PTPRN2: variants seen among roughly 807,000 people sequenced by gnomAD.
PTPRN2 encodes the protein receptor-type tyrosine-protein phosphatase N2.
PTPRN2 carries 74 observed loss-of-function variants against 118.8 expected under a neutral mutation model. The ratio of observed to expected loss-of-function variants is 0.62; its 90% CI spans 0.52 to 0.76. The LOEUF (loss-of-function observed/expected upper bound fraction) is 0.76, where lower values mean the gene tolerates loss of function less well. Ranked by LOEUF, PTPRN2 falls within the 30% of genes least tolerant of loss-of-function variation. The pLI is 0.00. For synonymous variants in PTPRN2, 641 were observed against 608.0 expected (o/e 1.05, Z -0.80); for missense variants, 1,481 against 1,394.4 (o/e 1.06, Z -0.99).
chr7:158,133,100 C>T (rs770859899), intron 9 of PTPRN2, among the ~76,000 whole-genome samples: 36 of 152,200 alleles, frequency 2.4e-4, no homozygotes, highest in Non-Finnish European at 4.6e-4. Flanking sequence ...GACATGAGGG[C>T]GGGGAAAGAG....
chr7:157,669,204 C>G (rs574112230), intron 13 of PTPRN2, among the ~76,000 whole-genome samples: 1 of 152,320 alleles, frequency 6.6e-6, no homozygotes, highest in East Asian at 1.9e-4. Context: ...TGGCCCACGG[C>G]CGCCCCTGAA....
chr7:158,217,388 T>G (rs1828028899), intron 3 of PTPRN2, among the ~76,000 whole-genome samples: 1 of 151,970 alleles, frequency 6.6e-6, no homozygotes, highest in East Asian at 1.9e-4. Flanking sequence ...ACAAAGCCAA[T>G]CAACTATATC....
chr7:157,636,329 A>C (rs1457637188), intron 14 of PTPRN2, among the ~76,000 whole-genome samples: 1 of 152,212 alleles, frequency 6.6e-6, no homozygotes, highest in Non-Finnish European at 1.5e-5. Flanking sequence ...TGAAAGGAAC[A>C]TTATTCATCA....
chr7:157,543,912 G>A (rs2116954258), intron 22 of PTPRN2, among the ~76,000 whole-genome samples: 1 of 152,350 alleles, frequency 6.6e-6, no homozygotes, highest in African/African-American at 2.4e-5. Flanking sequence ...TAGGCATTGT[G>A]TGTGTGTACA....
chr7:158,243,571 C>T lies in PTPRN2; in HGVS notation c.278-38298G>A, dbSNP rs540007467. 1.1e-4 allele frequency among the ~76,000 whole-genome samples: 16 copies of T among 152,326 alleles called. No homozygotes were observed. In the East Asian group the frequency reaches 3.1e-3, roughly 29 times the overall value. ...AGCCAAACTCCACCACAGATACCAC[C>T]TTCAGAGTTGGCCAGGAGCTGCAGG... On this transcript the variant is annotated intron_variant, in intron 3 of 22. Coordinates refer to ENST00000389418, the MANE Select transcript of PTPRN2 (RefSeq NM_002847.5).
intron 12 of PTPRN2, among the ~76,000 whole-genome samples, chr7:157,829,812 G>C (rs1807433240): frequency 6.6e-6 from 1 of 152,214 alleles, no homozygotes; most frequent in Non-Finnish European, 1.5e-5. Flanking sequence ...TACAGATGTT[G>C]ACTTGGCGGC....
intron 12 of PTPRN2, among the ~76,000 whole-genome samples, chr7:157,702,484 G>A (rs1798128054): frequency 6.6e-6 from 1 of 152,202 alleles, no homozygotes; most frequent in Non-Finnish European, 1.5e-5. Flanking sequence ...ACCTCTCACA[G>A]CCCAGTGGGG....
At position 158,573,266 on chromosome 7, in the gene PTPRN2, A is replaced by G. The variant is rs192087876; in HGVS notation, c.112+14292T>C. Reference sequence around the variant, plus strand: ...TTCAGAGAAATGGAGGGGGGATGGGAAAGGGAATCTGCTTCCTAGAAATGC... The same window carrying G: ...TTCAGAGAAATGGAGGGGGGATGGGGAAGGGAATCTGCTTCCTAGAAATGC... On this transcript the variant is annotated intron_variant, in intron 1 of 22. Transcript: ENST00000389418. Among the ~76,000 whole-genome samples the G allele has an allele frequency of 2.0e-5, 3 of 152,344 alleles. No individual in the cohort carries two copies. In the East Asian group the frequency reaches 5.8e-4, roughly 29 times the overall value.
chr7:158,499,009 C>T (rs2129446214), intron 1 of PTPRN2, among the ~76,000 whole-genome samples: 1 of 152,260 alleles, frequency 6.6e-6, no homozygotes, highest in East Asian at 1.9e-4. Context: ...GGTAAACAAG[C>T]TTTTTAGCAG....
At chr7:157,836,175 C>A (rs1807918696) in intron 12 of PTPRN2, among the ~76,000 whole-genome samples, 2 of 152,104 alleles carry the variant, frequency 1.3e-5, no homozygotes, top group Non-Finnish European at 2.9e-5. Flanking sequence ...TAAATTAAAC[C>A]AATGATAAGA....
chr7:157,979,853 G>A (rs1362660812), intron 11 of PTPRN2, among the ~76,000 whole-genome samples: 1 of 152,162 alleles, frequency 6.6e-6, no homozygotes, highest in Admixed American at 6.5e-5. Context: ...CGCAGCCCAG[G>A]CCAGCAAGCC....
intron 12 of PTPRN2, among the ~76,000 whole-genome samples, chr7:157,848,056 C>T (rs1026910410): frequency 6.0e-5 from 9 of 150,962 alleles, no homozygotes; most frequent in African/African-American, 2.2e-4. Context: ...CTGATGTTTA[C>T]AGAGCCCTCT....
intron 3 of PTPRN2, among the ~76,000 whole-genome samples, chr7:158,256,583 G>A (rs1797036167): frequency 6.6e-6 from 1 of 152,074 alleles, no homozygotes; most frequent in Non-Finnish European, 1.5e-5. Context: ...GGCGGGGGCG[G>A]GGGGGAACCT....
At chr7:158,011,207 G>A (rs1369650856) in intron 11 of PTPRN2, among the ~76,000 whole-genome samples, 2 of 152,250 alleles carry the variant, frequency 1.3e-5, no homozygotes, top group African/African-American at 4.8e-5. Context: ...AGATGTGCCT[G>A]TTTGATGCTG....
In PTPRN2 at chr7:158,531,188, C is replaced by T. The variant is rs571359487; in HGVS notation, c.113-41403G>A. Among the ~76,000 whole-genome samples, 71 of 152,296 alleles carry T rather than the reference C, an allele frequency of 4.7e-4. 1 individual carries two copies. The highest frequency in any genetic ancestry group is 1.7e-3 in the African/African-American group (69 of 41,562). ...GGCCAACAGCTGCCCCAAACCATGC[C>T]TGACACAGCAAATTTACAGACACAT... On this transcript the variant is annotated intron_variant, in intron 1 of 22. Transcript: ENST00000389418.
At chr7:157,582,877 A>AC (rs1008455988) in intron 17 of PTPRN2, among the ~76,000 whole-genome samples, 8 of 138,646 alleles carry the variant, frequency 5.8e-5, no homozygotes, top group South Asian at 2.3e-4. Flanking sequence ...TCCACCTCAA[A>AC]AAAAAAAAAC....
At position 158,395,717 on chromosome 7, in the gene PTPRN2, CGAGGCGCGAGGGGAGAGGGGA is replaced by C. The variant is rs1812396549; in HGVS notation, c.164-78806_164-78786del. ...GGGGCGAGGGGCGAGGGGCGAGGGG[CGAGGCGCGAGGGGAGAGGGGA>C]GAGGGGCGAGGGGTGAGGCGCGAGG... On this transcript the variant is annotated intron_variant, in intron 2 of 22. Coordinates refer to ENST00000389418, the MANE Select transcript of PTPRN2 (RefSeq NM_002847.5). Among the ~76,000 whole-genome samples the C allele has an allele frequency of 8.9e-4, 18 of 20,204 alleles. 3 individuals are homozygous for C. Among genetic ancestry groups the C allele is most frequent in the African/African-American group, 2.8e-3 (17 of 6,024 alleles). 13.3% of individuals were successfully genotyped at this position (20,204 alleles called of 152,430 possible).
intron 12 of PTPRN2, among the ~76,000 whole-genome samples, chr7:157,792,001 T>TGGAGGA (rs1804535727): frequency 6.6e-6 from 1 of 152,226 alleles, no homozygotes; most frequent in Non-Finnish European, 1.5e-5. Context: ...CAGCCTGTCA[T>TGGAGGA]GGAGGAGTCC....
chr7:157,657,014 C>A, intron 13 of PTPRN2, among the ~76,000 whole-genome samples: 1 of 141,384 alleles, frequency 7.1e-6, no homozygotes, highest in African/African-American at 2.7e-5. Flanking sequence ...ACATACGCCA[C>A]ACACACACCA....
Sources: allele counts gnomAD v4.1 joint callset (sites outside exome capture counted in the v4.1 genomes callset), GRCh38; gene constraint gnomAD v4.1.1; transcripts MANE v1.5; gene names NCBI Gene and HGNC (gene_info 2026-07-23, HGNC 2026-07-21).